The following CNTNAP5 variants were observed in gnomAD, a reference collection of about 807,000 sequenced individuals.
CNTNAP5 encodes the protein contactin associated protein family member 5.
CNTNAP5 carries 72 observed loss-of-function variants against 150.2 expected under a neutral mutation model. The ratio of observed to expected loss-of-function variants is 0.48; its 90% confidence interval spans 0.40 to 0.58. CNTNAP5 has a LOEUF of 0.58. CNTNAP5 is among the 20% of genes least tolerant of loss of function. CNTNAP5 has a pLI of 0.00. For missense variants in CNTNAP5, 1,636 were observed against 1,626.2 expected (o/e 1.01, Z -0.10); for synonymous variants, 672 against 619.8 (o/e 1.08, Z -1.25).
At chr2:124,214,755 T>G (rs1373619496) in intron 1 of CNTNAP5, among the ~76,000 whole-genome samples, 1 of 152,200 alleles carries the variant, frequency 6.6e-6, no homozygotes. Context: ...AGTAAATGAT[T>G]GCTTTCTTGA....
chr2:124,558,713 T>G (rs1352957133), intron 10 of CNTNAP5, among the ~76,000 whole-genome samples: 2 of 152,192 alleles, frequency 1.3e-5, no homozygotes, highest in African/African-American at 4.8e-5. Flanking sequence ...TTCCCAGGCC[T>G]CATCCACTCC....
intron 1 of CNTNAP5, among the ~76,000 whole-genome samples, chr2:124,118,593 G>T (rs1573766736): frequency 6.6e-6 from 1 of 152,128 alleles, no homozygotes; most frequent in African/African-American, 2.4e-5. Context: ...AGGAAATAAG[G>T]GTAGTGGAAG....
chr2:124,174,358 T>A (rs1685012517), intron 1 of CNTNAP5, among the ~76,000 whole-genome samples: 1 of 152,162 alleles, frequency 6.6e-6, no homozygotes. Flanking sequence ...GTAGAGTAAA[T>A]TGAAAACTTT....
intron 20 of CNTNAP5, among the ~76,000 whole-genome samples, chr2:124,868,041 G>A (rs542689574): frequency 2.0e-5 from 3 of 152,114 alleles, no homozygotes; most frequent in African/African-American, 4.8e-5. Context: ...GCAGCATCTC[G>A]TGGATCAACA....
intron 21 of CNTNAP5, among the ~76,000 whole-genome samples, chr2:124,871,550 G>T (rs978093406): frequency 6.6e-6 from 1 of 151,928 alleles, no homozygotes; most frequent in Non-Finnish European, 1.5e-5. Context: ...AATGCTAAAA[G>T]CCAGGACTTT....
chr2:124,051,003 CCA>C (rs1681681454), intron 1 of CNTNAP5, among the ~76,000 whole-genome samples: 1 of 152,060 alleles, frequency 6.6e-6, no homozygotes, highest in South Asian at 2.1e-4. Flanking sequence ...TGTTAAATGT[CCA>C]CAGTTAAAAC....
At chr2:124,732,468 C>T (rs1029193593) in intron 13 of CNTNAP5, among the ~76,000 whole-genome samples, 1 of 151,986 alleles carries the variant, frequency 6.6e-6, no homozygotes, top group South Asian at 2.1e-4. Flanking sequence ...GATTAATGCC[C>T]TTAGAAAACA....
At chr2:124,516,267 A>G (rs996627697) in intron 8 of CNTNAP5, among the ~76,000 whole-genome samples, 1 of 152,146 alleles carries the variant, frequency 6.6e-6, no homozygotes, top group African/African-American at 2.4e-5. Context: ...TCCTTATTCA[A>G]TTATTCATAT....
chr2:124,796,686 A>C (rs1329073343), intron 18 of CNTNAP5, among the ~76,000 whole-genome samples: 1 of 152,246 alleles, frequency 6.6e-6, no homozygotes, highest in East Asian at 1.9e-4. Context: ...AGGAAGAAAA[A>C]GCCAGGTATT....
At chr2:124,432,516 A>G (rs1391862266) in intron 4 of CNTNAP5, among the ~76,000 whole-genome samples, 1 of 152,180 alleles carries the variant, frequency 6.6e-6, no homozygotes, top group African/African-American at 2.4e-5. Context: ...TACTGTGAGT[A>G]TTAATGTCTG....
intron 9 of CNTNAP5, among the ~76,000 whole-genome samples, chr2:124,524,702 G>T (rs1211136062): frequency 6.6e-6 from 1 of 152,106 alleles, no homozygotes; most frequent in South Asian, 2.1e-4. Context: ...TACAAGAGCT[G>T]GTGTTATATA....
chr2:124,160,340 G>A (rs1684645833), intron 1 of CNTNAP5, among the ~76,000 whole-genome samples: 1 of 152,098 alleles, frequency 6.6e-6, no homozygotes, highest in African/African-American at 2.4e-5. Context: ...GGCTAATAGA[G>A]AATAAGACTA....
intron 12 of CNTNAP5, among the ~76,000 whole-genome samples, chr2:124,623,377 T>C (rs1677656555): frequency 6.6e-6 from 1 of 152,200 alleles, no homozygotes; most frequent in Non-Finnish European, 1.5e-5. Context: ...TACCCATGGC[T>C]TACAATGTTT....
At chr2:124,557,766 A>T (rs1695794242) in intron 10 of CNTNAP5, among the ~76,000 whole-genome samples, 1 of 152,168 alleles carries the variant, frequency 6.6e-6, no homozygotes, top group Non-Finnish European at 1.5e-5. Flanking sequence ...TGATGGTGGC[A>T]GGCCCCTTTG....
At position 124,305,264 on chromosome 2, in the gene CNTNAP5, TA is replaced by T. The variant is rs1287202108; in HGVS notation, c.381+62883del. Among the ~76,000 whole-genome samples, 340 of 136,928 alleles carry T rather than the reference TA, an allele frequency of 2.5e-3. 1 individual carries two copies. The highest frequency in any genetic ancestry group is 5.6e-3 in the African/African-American group (210 of 37,816). 89.8% of individuals were successfully genotyped at this position (136,928 alleles called of 152,430 possible). On this transcript the variant is annotated intron_variant, in intron 3 of 23. Transcript: ENST00000682447. ...CTGCACTCTAACCTTGATGACAGTC[TA>T]AAAAAAAAAAACAGACAAACAAAAA...
At chr2:124,873,798 C>G (rs1440705537) in intron 21 of CNTNAP5, among the ~76,000 whole-genome samples, 1 of 152,010 alleles carries the variant, frequency 6.6e-6, no homozygotes, top group Non-Finnish European at 1.5e-5. Context: ...GTAAATCAAA[C>G]ACTAGAAAGC....
chr2:124,630,689 C>T (rs1012591072), intron 12 of CNTNAP5, among the ~76,000 whole-genome samples: 1 of 152,116 alleles, frequency 6.6e-6, no homozygotes, highest in Non-Finnish European at 1.5e-5. Flanking sequence ...TTCCTCATCA[C>T]TCTTATTCAA....
chr2:124,650,679 C>T (rs963471765), intron 13 of CNTNAP5, among the ~76,000 whole-genome samples: 1 of 152,070 alleles, frequency 6.6e-6, no homozygotes, highest in Non-Finnish European at 1.5e-5. Flanking sequence ...AAGAGATTCC[C>T]GACCCTGTGA....
At chr2:124,494,485 C>T (rs1694104074) in intron 7 of CNTNAP5, among the ~76,000 whole-genome samples, 1 of 152,168 alleles carries the variant, frequency 6.6e-6, no homozygotes, top group African/African-American at 2.4e-5. Context: ...AGATCTTCCC[C>T]TCCTAGTGCA....
Sources: allele counts gnomAD v4.1 joint callset (sites outside exome capture counted in the v4.1 genomes callset), GRCh38; gene constraint gnomAD v4.1.1; transcripts MANE v1.5; gene names NCBI Gene and HGNC (gene_info 2026-07-23, HGNC 2026-07-21).